The following PLXNA2 variants were observed in gnomAD, a reference collection of about 807,000 sequenced individuals.
PLXNA2 encodes the protein plexin A2, also known as plexin-A2.
PLXNA2 carries 91 observed loss-of-function variants against 193.5 expected under a neutral mutation model. The ratio of observed to expected loss-of-function variants is 0.47; its 90% CI spans 0.40 to 0.56. The LOEUF is 0.56. Ranked by LOEUF, PLXNA2 falls within the 20% of genes least tolerant of loss-of-function variation. The probability of loss-of-function intolerance (pLI) is 0.00; values close to 1 mark genes in which losing one functional copy is unlikely to be tolerated. For missense variants in PLXNA2, 1,995 were observed against 2,503.2 expected (o/e 0.80, Z 4.33); for synonymous variants, 997 against 1,027.3 (o/e 0.97, Z 0.56).
intron 2 of PLXNA2, among the ~76,000 whole-genome samples, chr1:208,211,331 G>A (rs1272629179): frequency 6.6e-6 from 1 of 152,170 alleles, no homozygotes; most frequent in Non-Finnish European, 1.5e-5. Context: ...GAGTGGTGGT[G>A]TGGCTCCATA....
At position 208,025,449 on chromosome 1, in the gene PLXNA2, A is replaced by G. The variant is rs72731347; in HGVS notation, c.*1794T>C. 4,972 of 152,396 alleles carry G rather than the reference A, an allele frequency of 0.033. 167 individuals carry two copies. The highest frequency in any genetic ancestry group is 0.1 in the East Asian group (524 of 5,184). 9.4% of individuals were successfully genotyped at this position (152,396 alleles called of 1,614,324 possible). On this transcript the variant is annotated 3_prime_UTR_variant, in exon 32 of 32. Coordinates refer to ENST00000367033, the MANE Select transcript of PLXNA2 (RefSeq NM_025179.4). ...CTTGGAGGAGCTGGTCTAGCTTCCC[A>G]GCATCATAGCCTAGGATTCCTGACC...
At chr1:208,042,912 G>T in intron 21 of PLXNA2, 149 bp downstream of exon 21, 1 of 725,674 alleles carries the variant, frequency 1.4e-6, no homozygotes, top group Non-Finnish European at 2.2e-6. Flanking sequence ...TAACCTTCCT[G>T]ATAGCTCTGT....
At chr1:208,184,090 G>T (rs531571781) in intron 3 of PLXNA2, among the ~76,000 whole-genome samples, 15 of 152,270 alleles carry the variant, frequency 9.9e-5, no homozygotes, top group African/African-American at 2.6e-4. Context: ...GGACAGTGCT[G>T]TTCTAGGAAG....
At chr1:208,117,332 G>A (rs1667668827) in intron 4 of PLXNA2, among the ~76,000 whole-genome samples, 1 of 152,200 alleles carries the variant, frequency 6.6e-6, no homozygotes, top group Non-Finnish European at 1.5e-5. Flanking sequence ...GAGCCCGCAG[G>A]AGGCAGAGCG....
chr1:208,229,262 C>T (rs1355817742), intron 1 of PLXNA2, among the ~76,000 whole-genome samples: 1 of 152,148 alleles, frequency 6.6e-6, no homozygotes, highest in East Asian at 1.9e-4. Context: ...GATTCTAGCA[C>T]ACACTACATT....
At chr1:208,235,717 T>C (rs1438567972) in intron 1 of PLXNA2, among the ~76,000 whole-genome samples, 1 of 152,182 alleles carries the variant, frequency 6.6e-6, no homozygotes, top group Non-Finnish European at 1.5e-5. Flanking sequence ...TTCCTGACCA[T>C]CTGCTCTCAA....
intron 12 of PLXNA2, 64 bp from the exon 13 acceptor site, chr1:208,060,901 T>C: frequency 2.0e-6 from 3 of 1,495,864 alleles, no homozygotes; most frequent in East Asian, 2.3e-5. Context: ...GCAGCACCCT[T>C]CCCCCTCCCC....
chr1:208,154,897 G>A (rs1053919425), intron 3 of PLXNA2, among the ~76,000 whole-genome samples: 17 of 152,242 alleles, frequency 1.1e-4, no homozygotes, highest in Non-Finnish European at 1.8e-4. Flanking sequence ...ATGAGATAAG[G>A]AATGTGAAAG....
In PLXNA2 at chr1:208,096,131, AAAAC is replaced by A; in HGVS notation, c.1886-10_1886-7del. On this transcript the variant is annotated splice_polypyrimidine_tract_variant and splice_region_variant and intron_variant, in intron 7 of 31. Transcript: ENST00000367033. ...TAGCTCCAGCCCAAACCAGTCTGGA[AAAAC>A]AAACAAAAAAGGATGGGGTTGGGTA... 6.2e-7 allele frequency: 1 copy of A among 1,610,874 alleles called. No homozygotes were observed. The highest frequency in any genetic ancestry group is 8.5e-7 in the Non-Finnish European group (1 of 1,177,078).
intron 3 of PLXNA2, among the ~76,000 whole-genome samples, chr1:208,195,508 C>A (rs1348729235): frequency 2.0e-5 from 3 of 152,180 alleles, no homozygotes; most frequent in African/African-American, 7.2e-5. Flanking sequence ...CATTTACTGC[C>A]AGTGGCTGTG....
intron 8 of PLXNA2, among the ~76,000 whole-genome samples, chr1:208,093,341 C>T (rs971810226): frequency 4.6e-5 from 7 of 152,082 alleles, no homozygotes; most frequent in South Asian, 2.1e-4. Flanking sequence ...ACAGGGTAGC[C>T]GGCAGAGTAC....
At chr1:208,235,831 C>CTGAAGAACT (rs1671834578) in intron 1 of PLXNA2, among the ~76,000 whole-genome samples, 1 of 152,170 alleles carries the variant, frequency 6.6e-6, no homozygotes, top group South Asian at 2.1e-4. Context: ...GCCAAGAAAG[C>CTGAAGAACT]TGAAGAACTT....
chr1:208,186,424 ACG>A (rs1558234475), intron 3 of PLXNA2, among the ~76,000 whole-genome samples: 1 of 152,182 alleles, frequency 6.6e-6, no homozygotes, highest in East Asian at 1.9e-4. Flanking sequence ...AAACAAACAA[ACG>A]GAAAAAAACA....
intron 1 of PLXNA2, among the ~76,000 whole-genome samples, chr1:208,226,063 C>T (rs763388105): frequency 6.6e-6 from 1 of 152,162 alleles, no homozygotes; most frequent in Non-Finnish European, 1.5e-5. Flanking sequence ...CAGAGATAGG[C>T]GGGTATCTCT....
At position 208,067,888 on chromosome 1, in the gene PLXNA2, T is replaced by C. The variant is rs971989270; in HGVS notation, c.2587-7051A>G. On this transcript the variant is annotated intron_variant, in intron 12 of 31. Coordinates refer to ENST00000367033, the MANE Select transcript of PLXNA2 (RefSeq NM_025179.4). ...ATAGCTTTATAGGGTGTAAAGCCTC[T>C]ATGCATTTGACATGCTGTTCCCTGT... is the stretch of plus-strand genomic sequence containing the variant. Among the ~76,000 whole-genome samples, 7 of 152,212 alleles carry C rather than the reference T, an allele frequency of 4.6e-5. No homozygotes were observed. In the South Asian group the frequency reaches 1.2e-3, roughly 27 times the overall value.
chr1:208,081,926 C>G (rs1666355563), intron 11 of PLXNA2, among the ~76,000 whole-genome samples: 1 of 152,120 alleles, frequency 6.6e-6, no homozygotes, highest in Admixed American at 6.5e-5. Flanking sequence ...CAGCCAGATC[C>G]CCTTCCTGAA....
At chr1:208,240,944 T>C (rs1325136793) in intron 1 of PLXNA2, among the ~76,000 whole-genome samples, 1 of 152,076 alleles carries the variant, frequency 6.6e-6, no homozygotes, top group East Asian at 1.9e-4. Context: ...CCAAACCCTA[T>C]ATCTTAGGGA....
chr1:208,145,288 C>T (rs1219291641), intron 3 of PLXNA2, among the ~76,000 whole-genome samples: 1 of 152,150 alleles, frequency 6.6e-6, no homozygotes, highest in East Asian at 1.9e-4. Context: ...GTGACAGCTA[C>T]TCCTCTCCAG....
In PLXNA2 at chr1:208,243,656, G is replaced by T. The variant is rs1672137115; in HGVS notation, c.-94C>A. 6.6e-6 allele frequency: 1 copy of T among 152,140 alleles called. No individual in the cohort carries two copies. The highest frequency in any genetic ancestry group is 1.5e-5 in the Non-Finnish European group (1 of 68,006). The allele number at this position is 152,140 out of a possible 1,614,324, so 9.4% of individuals were successfully genotyped here. A position where few individuals can be genotyped will look rare whatever the true frequency, so the allele number is the denominator to read the frequency against. On this transcript the variant is annotated 5_prime_UTR_variant, in exon 1 of 32. Coordinates refer to ENST00000367033, the MANE Select transcript of PLXNA2 (RefSeq NM_025179.4). ...GCCGCCGCTTACCCAGCTCGGCGAC[G>T]TCGGTCTGTCCTTCCGTCCCCGCTC...
Sources: allele counts gnomAD v4.1 joint callset (sites outside exome capture counted in the v4.1 genomes callset), GRCh38; gene constraint gnomAD v4.1.1; transcripts MANE v1.5; gene names NCBI Gene and HGNC (gene_info 2026-07-23, HGNC 2026-07-21).